UGDH: variants seen among roughly 807,000 people sequenced by gnomAD.
The protein encoded by UGDH is UDP-Glc dehydrogenase.
A neutral mutation model predicts 50.6 loss-of-function variants in UGDH; 38 were observed. That is an observed-to-expected ratio of 0.75 (90% CI 0.58 to 0.98). The LOEUF is 0.98. UGDH is among the 50% of genes least tolerant of loss of function. UGDH has a pLI of 0.00. For missense variants in UGDH, 465 were observed against 606.2 expected (o/e 0.77, Z 2.45); for synonymous variants, 168 against 199.9 (o/e 0.84, Z 1.35).
chr4:39,506,944 G>A (rs1461221826), intron 7 of UGDH, among the ~76,000 whole-genome samples: 2 of 152,138 alleles, frequency 1.3e-5, no homozygotes, highest in Non-Finnish European at 2.9e-5. Flanking sequence ...GATCACTTGA[G>A]CCCAAGAGTT....
chr4:39,515,993 C>A (rs897026709), intron 2 of UGDH, among the ~76,000 whole-genome samples: 1 of 152,186 alleles, frequency 6.6e-6, no homozygotes, highest in African/African-American at 2.4e-5. Context: ...AGCCACTGTG[C>A]CTGGCCTAGA....
intron 7 of UGDH, among the ~76,000 whole-genome samples, chr4:39,507,967 G>T (rs1382864071): frequency 6.8e-6 from 1 of 147,650 alleles, no homozygotes; most frequent in South Asian, 2.1e-4. Flanking sequence ...AAAAAAGAGA[G>T]AAGAGTTATA....
At chr4:39,514,347 A>T (rs554533134) in intron 2 of UGDH, among the ~76,000 whole-genome samples, 163 bp from the exon 3 acceptor site, 1 of 152,324 alleles carries the variant, frequency 6.6e-6, no homozygotes, top group East Asian at 1.9e-4. Flanking sequence ...ATCATATACC[A>T]AAGGCCATAA....
At position 39,509,786 on chromosome 4, in the gene UGDH, C is replaced by G; in HGVS notation, c.785G>C (p.Gly262Ala). The G allele has an allele frequency of 1.2e-6, 2 of 1,605,928 alleles. No individual in the cohort carries two copies. Among genetic ancestry groups the G allele is most frequent in the Non-Finnish European group, 1.7e-6 (2 of 1,178,144 alleles). The change falls in exon 6 of 12, where the codon GGA (glycine) becomes GCA (alanine). Residue 262 changes from glycine (G) to alanine (A), a missense_variant. Gly to Ala is a moderately conservative substitution (Grantham distance 60). Transcript: ENST00000316423. ...ATAIGMDQRIGNKFLKASVGF... is the reference protein window; with the variant it reads ...ATAIGMDQRIANKFLKASVGF... ...AACACTGGCTTTTAGAAACTTGTTT[C>G]CAATTCTCTGGTCCATTCCAATCGC... is the stretch of plus-strand genomic sequence containing the variant.
In UGDH at chr4:39,499,034, T is replaced by A. The variant is rs1260234465; in HGVS notation, c.*1109A>T. ...AAAAGCAGACAGAAAACAAAAAAAA[T>A]TCTTATTTTAGAATGATGCTATATG... is the stretch of plus-strand genomic sequence containing the variant. On this transcript the variant is annotated 3_prime_UTR_variant, in exon 12 of 12. Transcript: ENST00000316423. 6.6e-6 allele frequency: 1 copy of A among 151,810 alleles called. No individual in the cohort carries two copies. The highest frequency in any genetic ancestry group is 2.4e-5 in the African/African-American group (1 of 41,332). 9.4% of individuals were successfully genotyped at this position (151,810 alleles called of 1,614,324 possible).
chr4:39,520,895 G>A lies in UGDH; in HGVS notation c.162+456C>T, dbSNP rs28464011. Among the ~76,000 whole-genome samples, 1,238 of 151,730 alleles carry A rather than the reference G, an allele frequency of 8.2e-3. 13 individuals are homozygous for A. Among genetic ancestry groups the A allele is most frequent in the African/African-American group, 0.028 (1,166 of 41,438 alleles). On this transcript the variant is annotated intron_variant, in intron 2 of 11. Coordinates refer to ENST00000316423, the MANE Select transcript of UGDH (RefSeq NM_003359.4). ...TCAAGACCAGCCTGGCCAACATGGTGAAACCCCACCTCTACTAAAATACAA... is the reference window on the plus strand; with the variant it reads ...TCAAGACCAGCCTGGCCAACATGGTAAAACCCCACCTCTACTAAAATACAA...
At chr4:39,521,255 G>A in intron 2 of UGDH, 96 bp downstream of exon 2, 1 of 1,216,664 alleles carries the variant, frequency 8.2e-7, no homozygotes, top group Non-Finnish European at 1.1e-6. Context: ...CTTACCAGTT[G>A]CTGTTATAGA....
intron 2 of UGDH, among the ~76,000 whole-genome samples, chr4:39,518,079 C>T (rs1446066124): frequency 6.6e-6 from 1 of 151,988 alleles, no homozygotes; most frequent in Non-Finnish European, 1.5e-5. Flanking sequence ...TAGGCATGTG[C>T]TACTACACCT....
intron 7 of UGDH, among the ~76,000 whole-genome samples, chr4:39,506,207 G>A (rs921454777): frequency 2.3e-4 from 32 of 137,064 alleles, no homozygotes; most frequent in African/African-American, 7.8e-4. Context: ...CAGCCTGGGC[G>A]ACAGAGCCAG....
At chr4:39,518,333 A>T (rs1415224569) in intron 2 of UGDH, among the ~76,000 whole-genome samples, 1 of 151,846 alleles carries the variant, frequency 6.6e-6, no homozygotes, top group Non-Finnish European at 1.5e-5. Context: ...GAATTGCTGG[A>T]TCACAGACTA....
At chr4:39,506,477 T>C (rs1265460816) in intron 7 of UGDH, among the ~76,000 whole-genome samples, 2 of 152,192 alleles carry the variant, frequency 1.3e-5, no homozygotes, top group African/African-American at 4.8e-5. Context: ...ATTCCTTCAT[T>C]TGCTTGTGCC....
Position 39,510,029 on chromosome 4 carries a change from T to A in UGDH, c.664-122A>T, listed in dbSNP as rs1578269524. ...GGAGATATATAAGATACTGATGAGC[T>A]CAATTTGAGGAGACAATGGATGGGT... On this transcript the variant is annotated intron_variant, in intron 5 of 11. Transcript: ENST00000316423. 6 of 1,156,606 alleles carry A rather than the reference T, an allele frequency of 5.2e-6. No individual in the cohort carries two copies. The East Asian group carries it at 1.6e-4, about 30-fold the overall frequency. 71.6% of individuals were successfully genotyped at this position (1,156,606 alleles called of 1,614,324 possible). A position where few individuals can be genotyped will look rare whatever the true frequency, so the allele number is the denominator to read the frequency against.
chr4:39,508,024 C>A (rs765493489), intron 7 of UGDH, among the ~76,000 whole-genome samples: 10 of 150,616 alleles, frequency 6.6e-5, no homozygotes, highest in South Asian at 2.1e-4. Context: ...AATTAGAATA[C>A]TGGCTTATCA....
chr4:39,512,685 T>TC (rs1334245340), intron 3 of UGDH, among the ~76,000 whole-genome samples: 1 of 152,182 alleles, frequency 6.6e-6, no homozygotes, highest in Non-Finnish European at 1.5e-5. Flanking sequence ...ACCTAGCTAC[T>TC]CCAAAATATT....
At chr4:39,524,906 C>T (rs1459281002) in intron 1 of UGDH, among the ~76,000 whole-genome samples, 1 of 152,206 alleles carries the variant, frequency 6.6e-6, no homozygotes, top group African/African-American at 2.4e-5. Flanking sequence ...ACTTGCTTTA[C>T]ATACATCAGC....
intron 2 of UGDH, among the ~76,000 whole-genome samples, chr4:39,515,346 T>C (rs1746401327): frequency 6.6e-6 from 1 of 152,198 alleles, no homozygotes; most frequent in Admixed American, 6.6e-5. Flanking sequence ...GCATTGTCAT[T>C]ATGAATGCAC....
intron 1 of UGDH, among the ~76,000 whole-genome samples, chr4:39,525,285 C>G (rs191610673): frequency 6.4e-4 from 97 of 152,288 alleles, no homozygotes; most frequent in African/African-American, 2.2e-3. Flanking sequence ...CCTCCGTCTC[C>G]TGGGTTCAAG....
At chr4:39,500,355 T>A (rs1745751069) in intron 11 of UGDH, 102 bp from the exon 12 acceptor site, 2 of 692,904 alleles carry the variant, frequency 2.9e-6, no homozygotes, top group Admixed American at 3.0e-5. Flanking sequence ...ATTTTTTTCT[T>A]AGAAAAGGAT....
chr4:39,509,450 CA>C (rs1351495974), intron 6 of UGDH, among the ~76,000 whole-genome samples: 5 of 152,292 alleles, frequency 3.3e-5, no homozygotes, highest in Non-Finnish European at 7.4e-5. Context: ...AATTTATTTA[CA>C]AAAACAAGTT....
Sources: gnomAD v4.1 joint callset for allele counts (sites outside exome capture counted in the v4.1 genomes callset) on GRCh38, gnomAD v4.1.1 for gene constraint, MANE v1.5 for transcripts, NCBI Gene and HGNC (gene_info 2026-07-23, HGNC 2026-07-21) for gene names.